KCNMB3: variants seen among roughly 807,000 people sequenced by gnomAD.
KCNMB3 encodes calcium-activated potassium channel subunit beta-3.
Under a neutral mutation model 11.9 loss-of-function variants are expected in KCNMB3, and 18 were observed. The ratio of observed to expected loss-of-function variants is 1.51; its 90% CI spans 1.04 to 2.23. The LOEUF (loss-of-function observed/expected upper bound fraction) is 2.23. KCNMB3 is among the 30% of genes most tolerant of loss of function. KCNMB3 has a pLI of 0.00. For synonymous variants in KCNMB3, 78 were observed against 119.2 expected (o/e 0.65, Z 2.25); for missense variants, 247 against 329.4 (o/e 0.75, Z 1.94).
intron 1 of KCNMB3, among the ~76,000 whole-genome samples, chr3:179,245,791 T>C (rs1477759245): frequency 6.6e-6 from 1 of 152,150 alleles, no homozygotes; most frequent in African/African-American, 2.4e-5. Flanking sequence ...GAGCCACGGC[T>C]CCTGGTCTGA....
Position 179,250,766 on chromosome 3 carries a change from G to A in KCNMB3, c.225C>T (p.Thr75=). ...SVLMFFLLGT[T]ILKPFMLSIQ... is the part of the protein sequence containing the mutation. ...ACCTGAGCATAAAAGGCTTTAGAAT[G>A]GTTGTTCCGAGCAAGAAGAACATTA... Residue 75 remains threonine, a synonymous_variant, in exon 1 of 3, where the codon ACC becomes ACT. Transcript: ENST00000392685. 1 of 1,614,174 alleles carries A rather than the reference G, an allele frequency of 6.2e-7. No homozygotes were observed. The highest frequency in any genetic ancestry group is 2.2e-5 in the East Asian group (1 of 44,882).
upstream of KCNMB3, among the ~76,000 whole-genome samples, chr3:179,254,077 G>A (rs116089306): frequency 9.3e-4 from 141 of 152,276 alleles, no homozygotes; most frequent in African/African-American, 3.1e-3. Flanking sequence ...TGGTGAACTT[G>A]AGCTTTTGTT....
At chr3:179,257,620 T>C (rs10804876) in intron 1 of KCNMB3, among the ~76,000 whole-genome samples, 71,446 of 152,158 alleles carry the variant, frequency 0.47, 18,631 homozygotes, top group East Asian at 0.87. Context: ...CAGTCTAATT[T>C]GTAGTTTGCA....
intron 1 of KCNMB3, chr3:179,261,236 T>C (rs1054753452): frequency 3.0e-6 from 4 of 1,343,762 alleles, no homozygotes; most frequent in African/African-American, 3.0e-5. Context: ...GCTCAAACAG[T>C]AGATCTCCCG....
At chr3:179,264,708 A>C (rs1726320203) in intron 1 of KCNMB3, among the ~76,000 whole-genome samples, 1 of 152,170 alleles carries the variant, frequency 6.6e-6, no homozygotes, top group Non-Finnish European at 1.5e-5. Flanking sequence ...CCAGCACTGA[A>C]ACTTTTGCAA....
Position 179,250,778 on chromosome 3 carries a change from CAAG to C in KCNMB3, c.210_212del (p.Phe70del), listed in dbSNP as rs779967818. 3.1e-6 allele frequency: 5 copies of C among 1,614,024 alleles called. No individual in the cohort carries two copies. Among genetic ancestry groups the C allele is most frequent in the Admixed American group, 1.7e-5 (1 of 60,000 alleles). ...AAGGCTTTAGAATGGTTGTTCCGAG[CAAG>C]AAGAACATTAGGACTGAGAAGCCCA... is the stretch of plus-strand genomic sequence containing the variant. On this transcript the variant is annotated inframe_deletion, in exon 1 of 3. Transcript: ENST00000392685.
chr3:179,266,030 G>A (rs767340755), intron 1 of KCNMB3, among the ~76,000 whole-genome samples: 2 of 152,114 alleles, frequency 1.3e-5, no homozygotes, highest in Non-Finnish European at 2.9e-5. Flanking sequence ...GCGTATACCC[G>A]GTATAACAGT....
intron 1 of KCNMB3, chr3:179,259,122 A>C: frequency 6.3e-7 from 1 of 1,582,632 alleles, no homozygotes; most frequent in South Asian, 1.2e-5. Flanking sequence ...TCCTGGTGCC[A>C]ACAAGTCATG....
chr3:179,261,335 C>A, intron 1 of KCNMB3: 4 of 1,181,986 alleles, frequency 3.4e-6, no homozygotes, highest in African/African-American at 1.6e-5. Context: ...CGGAGCCCCC[C>A]CCCGCGGGCC....
chr3:179,260,306 A>T (rs1324149428), intron 1 of KCNMB3: 1 of 1,613,912 alleles, frequency 6.2e-7, no homozygotes, highest in East Asian at 2.2e-5. Context: ...CAGGGAGAGA[A>T]GCGCTCTCAA....
downstream of KCNMB3, chr3:179,242,708 G>C: frequency 1.0e-6 from 1 of 964,796 alleles, no homozygotes; most frequent in South Asian, 2.7e-5. Context: ...ATTGGGATTA[G>C]AAAAGATGGT....
intron 1 of KCNMB3, among the ~76,000 whole-genome samples, chr3:179,246,025 T>C (rs1725630180): frequency 6.6e-6 from 1 of 152,222 alleles, no homozygotes; most frequent in African/African-American, 2.4e-5. Context: ...GCTCTTCATA[T>C]ACCCTCACAC....
chr3:179,253,959 C>G (rs912469999), upstream of KCNMB3, among the ~76,000 whole-genome samples: 1 of 152,062 alleles, frequency 6.6e-6, no homozygotes, highest in Admixed American at 6.5e-5. Context: ...CTGGCCAAAG[C>G]TTAAAAAGAA....
chr3:179,261,512 C>CG (rs909512787), intron 1 of KCNMB3, among the ~76,000 whole-genome samples: 27 of 152,060 alleles, frequency 1.8e-4, no homozygotes, highest in African/African-American at 6.5e-4. Flanking sequence ...TGAGCCTGGC[C>CG]GGGGGTGGAA....
upstream of KCNMB3, among the ~76,000 whole-genome samples, chr3:179,254,164 A>G (rs1473447131): frequency 6.6e-6 from 1 of 152,196 alleles, no homozygotes; most frequent in Non-Finnish European, 1.5e-5. Context: ...TATACCATCC[A>G]ACTAGAGCTG....
upstream of KCNMB3, among the ~76,000 whole-genome samples, chr3:179,252,519 A>C (rs779676906): frequency 6.6e-6 from 1 of 152,122 alleles, no homozygotes; most frequent in Non-Finnish European, 1.5e-5. Flanking sequence ...TAAAGCGAGT[A>C]AAAGGAATGT....
rs74550828 is a variant in KCNMB3, at chr3:179,259,600, T to C, written c.62+7049A>G. 3.5e-5 allele frequency: 57 copies of C among 1,608,568 alleles called. No individual in the cohort carries two copies. The East Asian group carries it at 1.1e-3, about 31-fold the overall frequency. On this transcript the variant is annotated intron_variant, in intron 1 of 3. Transcript: ENST00000349697. ...TTTTGGGCTTCCACTGCTGACTTTCTGTCAGTAGACTTTACCTGCTCTTCT... is the reference window on the plus strand; with the variant it reads ...TTTTGGGCTTCCACTGCTGACTTTCCGTCAGTAGACTTTACCTGCTCTTCT...
At chr3:179,251,875 C>T (rs1039238046), upstream of KCNMB3, among the ~76,000 whole-genome samples, 1 of 152,142 alleles carries the variant, frequency 6.6e-6, no homozygotes, top group Non-Finnish European at 1.5e-5. Flanking sequence ...GCGCCGGCCA[C>T]CATGCCCAGC....
chr3:179,260,369 G>A (rs956376950), intron 1 of KCNMB3: 46 of 1,613,850 alleles, frequency 2.9e-5, no homozygotes, highest in Non-Finnish European at 3.7e-5. Flanking sequence ...AGGTTCCTAG[G>A]AATGGGGCAG....
Sources: allele counts gnomAD v4.1 joint callset (sites outside exome capture counted in the v4.1 genomes callset), GRCh38; gene constraint gnomAD v4.1.1; transcripts MANE v1.5; gene names NCBI Gene and HGNC (gene_info 2026-07-23, HGNC 2026-07-21).